The following UGT2B4 variants were observed in gnomAD, a reference collection of about 807,000 sequenced individuals.
UGT2B4 encodes UDP-glucuronosyltransferase 2B4.
A neutral mutation model predicts 49.8 loss-of-function variants in UGT2B4; 49 were observed. That is an observed-to-expected ratio of 0.98 (90% CI 0.78 to 1.25). The LOEUF is 1.25. UGT2B4 is among the 50% of genes most tolerant of loss of function. The probability of loss-of-function intolerance (pLI) is 0.00; values close to 1 mark genes in which losing one functional copy is unlikely to be tolerated. For synonymous variants in UGT2B4, 246 were observed against 217.7 expected (o/e 1.13, Z -1.14); for missense variants, 729 against 627.7 (o/e 1.16, Z -1.73).
At chr4:69,493,404 T>A (rs1317495115) in intron 2 of UGT2B4, among the ~76,000 whole-genome samples, 1 of 152,182 alleles carries the variant, frequency 6.6e-6, no homozygotes, top group Non-Finnish European at 1.5e-5. Context: ...CTAATCTCTT[T>A]ATAAATATTC....
chr4:69,506,916 C>A (rs900336176), intron 1 of UGT2B4, among the ~76,000 whole-genome samples: 10 of 152,146 alleles, frequency 6.6e-5, no homozygotes, highest in Non-Finnish European at 1.5e-4. Context: ...AAGGTTGACT[C>A]AGCCTACGGA....
At chr4:69,506,628 A>C (rs974676800) in intron 1 of UGT2B4, among the ~76,000 whole-genome samples, 1 of 151,440 alleles carries the variant, frequency 6.6e-6, no homozygotes, top group Non-Finnish European at 1.5e-5. Flanking sequence ...TTCACAGCTA[A>C]ATGGTGCCAG....
At chr4:69,485,562 G>A (rs563173712) in intron 4 of UGT2B4, 135 bp from the exon 5 acceptor site, 4 of 1,246,442 alleles carry the variant, frequency 3.2e-6, no homozygotes, top group Middle Eastern at 2.6e-4. Context: ...GACTTCAGAG[G>A]AAGGAACGCC....
At chr4:69,481,337 T>A (rs1727586201) in intron 5 of UGT2B4, among the ~76,000 whole-genome samples, 2 of 152,176 alleles carry the variant, frequency 1.3e-5, no homozygotes, top group African/African-American at 4.8e-5. Flanking sequence ...AAGTGCCAGA[T>A]CATTCAAAGT....
chr4:69,497,718 T>C (rs1197627947), upstream of UGT2B4, among the ~76,000 whole-genome samples: 13 of 152,374 alleles, frequency 8.5e-5, no homozygotes, highest in South Asian at 2.1e-3. Flanking sequence ...TATGTGAACA[T>C]TGCTGAAATG....
At chr4:69,508,566 A>G (rs1429901744) in intron 1 of UGT2B4, among the ~76,000 whole-genome samples, 1 of 152,208 alleles carries the variant, frequency 6.6e-6, no homozygotes, top group Non-Finnish European at 1.5e-5. Context: ...ACATGGATGG[A>G]GTTGGATGCC....
intron 3 of UGT2B4, among the ~76,000 whole-genome samples, chr4:69,488,581 A>G (rs957402437): frequency 1.4e-4 from 22 of 151,988 alleles, no homozygotes; most frequent in African/African-American, 4.3e-4. Flanking sequence ...TGTTCCTACT[A>G]TGTTCTATGG....
upstream of UGT2B4, among the ~76,000 whole-genome samples, chr4:69,500,371 C>T (rs570802869): frequency 6.6e-6 from 1 of 151,774 alleles, no homozygotes; most frequent in African/African-American, 2.4e-5. Flanking sequence ...CCTGCACATC[C>T]TGGACATGTA....
chr4:69,489,349 A>C, intron 3 of UGT2B4, 90 bp downstream of exon 3: 2 of 1,534,286 alleles, frequency 1.3e-6, no homozygotes, highest in South Asian at 1.2e-5. Flanking sequence ...AGCTGAATAT[A>C]TAGGCAGGAA....
At chr4:69,495,068 G>T in intron 1 of UGT2B4, 73 bp downstream of exon 1, 1 of 1,400,006 alleles carries the variant, frequency 7.1e-7, no homozygotes, top group Non-Finnish European at 9.5e-7. Flanking sequence ...TGACTTTATG[G>T]CTTTATACAA....
intron 3 of UGT2B4, among the ~76,000 whole-genome samples, chr4:69,488,992 A>G (rs1333921451): frequency 6.6e-6 from 1 of 152,138 alleles, no homozygotes; most frequent in East Asian, 1.9e-4. Context: ...ACTAAACTGC[A>G]TGATGCATGT....
intron 1 of UGT2B4, among the ~76,000 whole-genome samples, chr4:69,511,515 G>A (rs1260244574): frequency 6.6e-6 from 1 of 152,074 alleles, no homozygotes; most frequent in Non-Finnish European, 1.5e-5. Context: ...TAGTCATGAT[G>A]AATGAACCTC....
chr4:69,480,754 G>A lies in UGT2B4; in HGVS notation c.1467C>T (p.His489=). 2 of 1,614,032 alleles carry A rather than the reference G, an allele frequency of 1.2e-6. No homozygotes were observed. The highest frequency in any genetic ancestry group is 1.7e-6 in the Non-Finnish European group (2 of 1,179,936). The change falls in exon 6 of 6, where the codon CAC becomes CAT. Residue 489 remains histidine (H), a synonymous_variant. Transcript: ENST00000305107. ...GCAGGAACCCAGTCACATCCAAAGA[G>A]TGGTACTGGAACCAGGTGAGGTCGT... The part of the protein sequence containing the change: ...AAHDLTWFQY[H]SLDVTGFLLA...
intron 5 of UGT2B4, among the ~76,000 whole-genome samples, chr4:69,483,969 A>G (rs1366762551): frequency 6.6e-6 from 1 of 152,208 alleles, no homozygotes. Context: ...TAAGACAAAT[A>G]TCAAAGTTTT....
chr4:69,520,159 C>T (rs998940534), intron 1 of UGT2B4, among the ~76,000 whole-genome samples: 50 of 152,256 alleles, frequency 3.3e-4, no homozygotes, highest in African/African-American at 1.2e-3. Context: ...ATTTTTCACA[C>T]ACATATGTAT....
chr4:69,495,745 T>C lies in UGT2B4; in HGVS notation c.117A>G (p.Ile39Met), dbSNP rs754577556. 3.7e-6 allele frequency: 6 copies of C among 1,613,964 alleles called. No homozygotes were observed. In the South Asian group the frequency reaches 4.4e-5, roughly 12 times the overall value. The change falls in exon 1 of 6, where the codon ATA (isoleucine) becomes ATG (methionine). Residue 39 changes from isoleucine to methionine, a missense_variant. By Grantham distance (10) the Ile-to-Met change is conservative. Transcript: ENST00000305107. ...WPTEFSHWMN[I>M]KTILDELVQR... is the part of the protein sequence containing the mutation. ...GGACAAGTTCATCCAGGATTGTCTT[T>C]ATATTCATCCAGTGGCTGAATTCTG...
intron 1 of UGT2B4, 86 bp downstream of exon 1, chr4:69,495,055 C>A (rs1247462175): frequency 1.6e-6 from 2 of 1,289,602 alleles, no homozygotes; most frequent in African/African-American, 3.0e-5. Context: ...TACCCCACTA[C>A]CCTGACTTTA....
rs1727540789 is a variant in UGT2B4 at position 69,480,170 on chromosome 4, T to C, written c.*464A>G. 1 of 154,994 alleles carries C rather than the reference T, an allele frequency of 6.5e-6. No individual in the cohort carries two copies. The highest frequency in any genetic ancestry group is 1.4e-5 in the Non-Finnish European group (1 of 69,838). 9.6% of individuals were successfully genotyped at this position (154,994 alleles called of 1,614,324 possible). On this transcript the variant is annotated 3_prime_UTR_variant, in exon 6 of 6. Coordinates refer to ENST00000305107, the MANE Select transcript of UGT2B4 (RefSeq NM_021139.3). ...CAAGAGGAAGAGACTTTCTATACAA[T>C]TTAATTATTTATTAGCTTCCTCAAC...
rs1341574005 is a variant in UGT2B4, at chr4:69,483,178, G to A, written c.1310+2030C>T. 1.8e-4 allele frequency among the ~76,000 whole-genome samples: 27 copies of A among 151,996 alleles called. 1 individual carries two copies. The highest frequency in any genetic ancestry group is 1.8e-3 in the Admixed American group (27 of 15,262). On this transcript the variant is annotated intron_variant, in intron 5 of 5. Coordinates refer to ENST00000305107, the MANE Select transcript of UGT2B4 (RefSeq NM_021139.3). ...GTGTATTTAATATTCAAAATTTAAA[G>A]ATTTTTTAGTTATCATTTTTATAAT... is the stretch of plus-strand genomic sequence containing the variant.
Sources: gnomAD v4.1 joint callset for allele counts (sites outside exome capture counted in the v4.1 genomes callset) on GRCh38, gnomAD v4.1.1 for gene constraint, MANE v1.5 for transcripts, NCBI Gene and HGNC (gene_info 2026-07-23, HGNC 2026-07-21) for gene names.